ELAC2: variants seen among roughly 807,000 people sequenced by gnomAD.
ELAC2 encodes the protein elaC ribonuclease Z 2.
ELAC2 carries 92 observed loss-of-function variants against 105.2 expected under a neutral mutation model. That is an observed-to-expected ratio of 0.87 (90% CI 0.74 to 1.04). The LOEUF is 1.04. ELAC2 is among the 50% of genes least tolerant of loss of function. ELAC2 has a pLI of 0.00. For missense variants in ELAC2, 1,099 were observed against 1,071.7 expected, an observed-to-expected ratio of 1.03 and a Z score of -0.36; for synonymous variants, 468 against 409.1, an observed-to-expected ratio of 1.14 and a Z score of -1.74.
chr17:13,017,474 G>A lies in ELAC2; in HGVS notation c.245+229C>T, dbSNP rs971507969. On this transcript the variant is annotated intron_variant, in intron 1 of 23. Transcript: ENST00000338034. Reference sequence around the variant, plus strand: ...GCTGACAGCCAGGCCGGGGCCCAAGGGTTGGGAAAAGGACGCTCAGACCCA... The same window carrying A: ...GCTGACAGCCAGGCCGGGGCCCAAGAGTTGGGAAAAGGACGCTCAGACCCA... 1.4e-5 allele frequency: 13 copies of A among 898,844 alleles called. No homozygotes were observed. The African/African-American group carries it at 1.7e-4, about 12-fold the overall frequency. The allele number at this position is 898,844 out of a possible 1,614,324, so 55.7% of individuals were successfully genotyped here.
intron 17 of ELAC2, 171 bp downstream of exon 17, chr17:12,996,376 T>G (rs1376548983): frequency 1.4e-5 from 13 of 903,096 alleles, no homozygotes; most frequent in Non-Finnish European, 2.3e-5. Context: ...GACATTCTTG[T>G]GGCGCAGAAG....
intron 15 of ELAC2, among the ~76,000 whole-genome samples, chr17:12,998,798 A>G (rs2040604973): frequency 6.6e-6 from 1 of 152,112 alleles, no homozygotes; most frequent in African/African-American, 2.4e-5. Flanking sequence ...GGGGGTTGTT[A>G]TAAAGCCAGA....
At chr17:13,007,127 A>G (rs1022660310) in intron 8 of ELAC2, among the ~76,000 whole-genome samples, 5 of 151,506 alleles carry the variant, frequency 3.3e-5, no homozygotes, top group African/African-American at 1.2e-4. Context: ...AGAAAAAGAA[A>G]AAAAAAAAAA....
intron 11 of ELAC2, chr17:13,003,928 T>G: frequency 3.7e-6 from 1 of 267,972 alleles, no homozygotes; most frequent in Middle Eastern, 1.3e-3. Flanking sequence ...CCTCTCTCCT[T>G]CCTCTCTCAC....
At chr17:13,014,349 ATGT>A (rs1156542744) in intron 5 of ELAC2, 87 bp downstream of exon 5, 3 of 762,096 alleles carry the variant, frequency 3.9e-6, no homozygotes, top group Non-Finnish European at 7.0e-6. Context: ...TTGAGGTTTG[ATGT>A]TGATGTTTTT....
rs1464788144 is a variant in ELAC2 at position 13,015,757 on chromosome 17, G to A, written c.432+11C>T. On this transcript the variant is annotated intron_variant, in intron 4 of 23. Transcript: ENST00000338034. ...AGATTGCTTTTGAAAGATGTGTCAGGAAAGACTCACCAGTTGTGGAGGTCC... is the reference window on the plus strand; with the variant it reads ...AGATTGCTTTTGAAAGATGTGTCAGAAAAGACTCACCAGTTGTGGAGGTCC... 4 of 1,610,898 alleles carry A rather than the reference G, an allele frequency of 2.5e-6. No individual in the cohort carries two copies. In the Admixed American group the frequency reaches 6.7e-5, roughly 27 times the overall value.
Position 13,016,887 on chromosome 17 carries a change from G to C in ELAC2, c.342C>G (p.His114Gln). ...RLDNIFLTRM[H>Q]WSNVGGLSGM... ...CACTTAAGCCCCCAACATTAGACCA[G>C]TGCATTCGTGTCAGGAATATGTTGT... Residue 114 changes from histidine to glutamine, a missense_variant, in exon 3 of 24, where the codon CAC becomes CAG. Physicochemically the swap from His to Gln is conservative, Grantham distance 24. Coordinates refer to ENST00000338034, the MANE Select transcript of ELAC2 (RefSeq NM_018127.7). 6.2e-7 allele frequency: 1 copy of C among 1,614,094 alleles called. No homozygotes were observed. Among genetic ancestry groups the C allele is most frequent in the Non-Finnish European group, 8.5e-7 (1 of 1,180,028 alleles).
At chr17:13,006,001 T>A (rs200259929) in intron 8 of ELAC2, 22 bp from the exon 9 acceptor site, 1 of 1,612,692 alleles carries the variant, frequency 6.2e-7, no homozygotes, top group East Asian at 2.2e-5. Context: ...AGAACATAGA[T>A]GTGATCTTAG....
In ELAC2 at chr17:13,007,620, G is replaced by A. The variant is rs1458494583; in HGVS notation, c.739-1641C>T. Among the ~76,000 whole-genome samples the A allele has an allele frequency of 2.6e-5, 4 of 152,230 alleles. No individual in the cohort carries two copies. The East Asian group carries it at 7.7e-4, about 29-fold the overall frequency. On this transcript the variant is annotated intron_variant, in intron 8 of 23. Transcript: ENST00000338034. Reference sequence around the variant, plus strand: ...CTGTTGGGGGCAGTGGCTCACGCCTGTAATCCCAGCACTTTGGGAGGCTGA... The same window carrying A: ...CTGTTGGGGGCAGTGGCTCACGCCTATAATCCCAGCACTTTGGGAGGCTGA...
At position 12,994,954 on chromosome 17, in the gene ELAC2, G is replaced by T. The variant is rs542510696; in HGVS notation, c.1908+9C>A. On this transcript the variant is annotated intron_variant, in intron 20 of 23. Transcript: ENST00000338034. ...TCGCCCCCATGATGCCTGCGGCTGTGCCCCTTACCTCTTCCAAATCACATG... is the reference window on the plus strand; with the variant it reads ...TCGCCCCCATGATGCCTGCGGCTGTTCCCCTTACCTCTTCCAAATCACATG... The T allele has an allele frequency of 2.5e-6, 4 of 1,614,092 alleles. No homozygotes were observed. In the South Asian group the frequency reaches 3.3e-5, roughly 13 times the overall value.
At chr17:12,996,825 AAAAG>A (rs2143570516) in intron 16 of ELAC2, 140 bp from the exon 17 acceptor site, 1 of 1,159,606 alleles carries the variant, frequency 8.6e-7, no homozygotes. Flanking sequence ...GAGCTAATAT[AAAAG>A]CCAATTAATT....
In ELAC2 at chr17:13,011,773, C is replaced by T. The variant is rs1302564270; in HGVS notation, c.569G>A (p.Arg190Lys). The change falls in exon 7 of 24, where the codon AGG becomes AAG. Residue 190 changes from arginine to lysine, a missense_variant. Physicochemically the swap from Arg to Lys is conservative, Grantham distance 26. Coordinates refer to ENST00000338034, the MANE Select transcript of ELAC2 (RefSeq NM_018127.7). ...CTGCCATGGTTGGTGCTTTCCCCTC[C>T]TCTGTTCACCTGGTCAGTACAGATA... ...VYQIPIHSEQRRGKHQPWQSP... is the reference protein window; with the variant it reads ...VYQIPIHSEQKRGKHQPWQSP... The T allele has an allele frequency of 6.2e-7, 1 of 1,614,170 alleles. No individual in the cohort carries two copies.
chr17:13,000,421 G>A, intron 14 of ELAC2, 147 bp from the exon 15 acceptor site: 2 of 779,534 alleles, frequency 2.6e-6, no homozygotes, highest in South Asian at 2.9e-5. Flanking sequence ...ACTAGGATCT[G>A]GGGCAGGTCT....
intron 23 of ELAC2, 150 bp downstream of exon 23, chr17:12,993,537 T>C (rs1211468808): frequency 8.8e-7 from 1 of 1,134,172 alleles, no homozygotes; most frequent in African/African-American, 1.5e-5. Context: ...AAACCCAGGG[T>C]GGTTCGACCT....
Position 13,003,521 on chromosome 17 carries a change from G to A in ELAC2, c.1037C>T (p.Ala346Val). Residue 346 changes from alanine (A) to valine (V), a missense_variant, in exon 12 of 24, where the codon GCA becomes GTA. Coordinates refer to ENST00000338034, the MANE Select transcript of ELAC2 (RefSeq NM_018127.7). ...PVALVVHMAP[A>V]SVLVDSRYQQ... is the part of the protein sequence containing the mutation. ...GTACCTGCTGTCCACAAGCACAGAT[G>A]CTGGGGCCATGTGAACCACCAAGGC... is the stretch of plus-strand genomic sequence containing the variant. 2 of 1,614,208 alleles carry A rather than the reference G, an allele frequency of 1.2e-6. No individual in the cohort carries two copies. The highest frequency in any genetic ancestry group is 1.7e-6 in the Non-Finnish European group (2 of 1,180,030).
At position 12,996,541 on chromosome 17, in the gene ELAC2, A is replaced by G. The variant is rs774560095; in HGVS notation, c.1659+6T>C. 6.2e-7 allele frequency: 1 copy of G among 1,613,732 alleles called. No homozygotes were observed. Among genetic ancestry groups the G allele is most frequent in the Non-Finnish European group, 8.5e-7 (1 of 1,180,008 alleles). On this transcript the variant is annotated splice_donor_region_variant and intron_variant, in intron 17 of 23. Coordinates refer to ENST00000338034, the MANE Select transcript of ELAC2 (RefSeq NM_018127.7). ...CTCCAGCTTTGTGGTCCAGCCCAAC[A>G]CTCACCGTGTGGTGATCTGCGTGCA...
intron 5 of ELAC2, 104 bp from the exon 6 acceptor site, chr17:13,013,379 T>C (rs1667619733): frequency 1.6e-6 from 2 of 1,227,556 alleles, no homozygotes; most frequent in South Asian, 2.5e-5. Flanking sequence ...GCCTCAGAAT[T>C]ATGGTGGGAA....
At position 13,000,290 on chromosome 17, in the gene ELAC2, G is replaced by A; in HGVS notation, c.1305-16C>T. The A allele has an allele frequency of 6.2e-7, 1 of 1,611,502 alleles. No individual in the cohort carries two copies. The highest frequency in any genetic ancestry group is 8.5e-7 in the Non-Finnish European group (1 of 1,177,778). On this transcript the variant is annotated splice_polypyrimidine_tract_variant and intron_variant, in intron 14 of 23. Coordinates refer to ENST00000338034, the MANE Select transcript of ELAC2 (RefSeq NM_018127.7). ...AATGGCATCCCTGCAGGAAGAGAGA[G>A]AAGCATCTCAGGTGACGGACAGGGT...
chr17:12,998,543 T>C (rs1262093908), intron 15 of ELAC2, 35 bp from the exon 16 acceptor site: 3 of 1,594,430 alleles, frequency 1.9e-6, no homozygotes, highest in East Asian at 2.2e-5. Flanking sequence ...ATCCATTCCT[T>C]TGGGTCAAAA....
Sources: gnomAD v4.1 joint callset for allele counts (sites outside exome capture counted in the v4.1 genomes callset) on GRCh38, gnomAD v4.1.1 for gene constraint, MANE v1.5 for transcripts, NCBI Gene and HGNC (gene_info 2026-07-23, HGNC 2026-07-21) for gene names.